Variants in CLVS2 observed in about 807,000 individuals in gnomAD.
The protein encoded by CLVS2 is clavesin 2.
A neutral mutation model predicts 29.0 loss-of-function variants in CLVS2; 19 were observed. The observed-to-expected ratio is 0.66, with a 90% CI of 0.46 to 0.96. The LOEUF is 0.96. Ranked by LOEUF, CLVS2 falls within the 40% of genes least tolerant of loss-of-function variation. The pLI is 0.00. For synonymous variants in CLVS2, 161 were observed against 151.3 expected, an observed-to-expected ratio of 1.06 and a Z score of -0.47; for missense variants, 294 against 404.1, an observed-to-expected ratio of 0.73 and a Z score of 2.34.
At chr6:123,035,559 CA>C (rs902327237) in intron 3 of CLVS2, among the ~76,000 whole-genome samples, 20 of 149,696 alleles carry the variant, frequency 1.3e-4, no homozygotes, top group East Asian at 3.9e-4. Flanking sequence ...GATTAGGTTT[CA>C]AAAAAAAATG....
At chr6:123,027,578 G>T (rs1350611129) in intron 3 of CLVS2, among the ~76,000 whole-genome samples, 2 of 152,128 alleles carry the variant, frequency 1.3e-5, no homozygotes, top group East Asian at 3.9e-4. Context: ...TCCTGTGCAT[G>T]GTGATTACAA....
rs542755493 is a variant in CLVS2 at position 123,046,674 on chromosome 6, T to A, written c.565-1948T>A. Among the ~76,000 whole-genome samples the A allele has an allele frequency of 3.3e-3, 476 of 144,884 alleles. 4 individuals are homozygous for A. The highest frequency in any genetic ancestry group is 7.0e-3 in the Middle Eastern group (2 of 284). On this transcript the variant is annotated intron_variant, in intron 3 of 5. Coordinates refer to ENST00000275162, the MANE Select transcript of CLVS2 (RefSeq NM_001010852.4). ...ACTCAGTCTCAAAAAAAAAAAAAAA[T>A]AATAATAATAATCACTTGAGCCAAG...
intron 5 of CLVS2, among the ~76,000 whole-genome samples, chr6:123,058,280 C>T (rs4358638): frequency 0.73 from 110,457 of 151,986 alleles, 40,349 homozygotes; most frequent in East Asian, 0.88. Context: ...ACACCACTGA[C>T]ATAAAGCCTG....
chr6:123,060,916 A>AAATG (rs757287461), intron 5 of CLVS2, among the ~76,000 whole-genome samples: 6 of 152,248 alleles, frequency 3.9e-5, no homozygotes, highest in Non-Finnish European at 8.8e-5. Flanking sequence ...GATGCATGAG[A>AAATG]AATGAGTATT....
rs1368547293 is a variant in CLVS2, at chr6:123,070,703, A to G, written c.*6942A>G. The G allele has an allele frequency of 6.6e-6, 1 of 152,020 alleles. No homozygotes were observed. The highest frequency in any genetic ancestry group is 1.5e-5 in the Non-Finnish European group (1 of 67,968). The allele number at this position is 152,020 out of a possible 1,614,324, so 9.4% of individuals were successfully genotyped here. On this transcript the variant is annotated 3_prime_UTR_variant, in exon 6 of 6. Transcript: ENST00000275162. ...GCATTTTTGCTGGTACTATGAAAAA[A>G]TAGTTGTTAAATACTTTAATTTCTT...
chr6:122,997,047 G>C (rs987229240), intron 1 of CLVS2, among the ~76,000 whole-genome samples, 172 bp from the exon 2 acceptor site: 3 of 152,160 alleles, frequency 2.0e-5, no homozygotes, highest in Non-Finnish European at 4.4e-5. Context: ...TATCTCAGAG[G>C]GGTGGTGGGA....
intron 5 of CLVS2, among the ~76,000 whole-genome samples, chr6:123,057,892 A>G (rs1216222915): frequency 2.0e-5 from 3 of 152,184 alleles, no homozygotes; most frequent in Non-Finnish European, 4.4e-5. Flanking sequence ...ATGGGCTCTC[A>G]AAGGATTCTG....
At chr6:123,027,567 C>T (rs1157189497) in intron 3 of CLVS2, among the ~76,000 whole-genome samples, 1 of 152,156 alleles carries the variant, frequency 6.6e-6, no homozygotes, top group Non-Finnish European at 1.5e-5. Flanking sequence ...TGTTCAGTCT[C>T]TCCTGTGCAT....
intron 5 of CLVS2, among the ~76,000 whole-genome samples, chr6:123,059,352 C>T (rs1389390425): frequency 1.3e-5 from 2 of 152,130 alleles, no homozygotes; most frequent in East Asian, 3.9e-4. Flanking sequence ...AATTTTATAT[C>T]TGCACCCCAC....
rs74470452 is a variant in CLVS2, at chr6:123,059,814, G to T, written c.896+3788G>T. Among the ~76,000 whole-genome samples, 424 of 152,128 alleles carry T rather than the reference G, an allele frequency of 2.8e-3. 18 individuals are homozygous for T. In the East Asian group the frequency reaches 0.078, roughly 28 times the overall value. On this transcript the variant is annotated intron_variant, in intron 5 of 5. Transcript: ENST00000275162. ...ATATAGCCTAGTCTATCCACCTTTT[G>T]TATCCTGATTCTTTTCTCCAATTAA...
intron 3 of CLVS2, among the ~76,000 whole-genome samples, chr6:123,014,870 A>G (rs1414630284): frequency 6.6e-6 from 1 of 152,094 alleles, no homozygotes; most frequent in Non-Finnish European, 1.5e-5. Flanking sequence ...GCATCTAGAT[A>G]TTTTTATGTT....
intron 5 of CLVS2, among the ~76,000 whole-genome samples, chr6:123,057,964 A>G (rs1772719624): frequency 6.6e-6 from 1 of 152,158 alleles, no homozygotes; most frequent in African/African-American, 2.4e-5. Context: ...CTATATGTAT[A>G]TGTCATGCAT....
intron 4 of CLVS2, among the ~76,000 whole-genome samples, chr6:123,050,289 G>T (rs998075552): frequency 6.6e-6 from 1 of 152,024 alleles, no homozygotes; most frequent in Admixed American, 6.6e-5. Flanking sequence ...AACCTGCAGG[G>T]GCTTTTAGTA....
rs1319071429 is a variant in CLVS2 at position 123,052,436 on chromosome 6, A to G, written c.676-3370A>G. On this transcript the variant is annotated intron_variant, in intron 4 of 5. Transcript: ENST00000275162. ...GTTTCATGCTAAGAGAAAGAAGTCAATGGGGAATTGTGAGGAGAAAGATAT... is the reference window on the plus strand; with the variant it reads ...GTTTCATGCTAAGAGAAAGAAGTCAGTGGGGAATTGTGAGGAGAAAGATAT... Among the ~76,000 whole-genome samples the G allele has an allele frequency of 2.6e-5, 4 of 152,200 alleles. No homozygotes were observed. In the East Asian group the frequency reaches 5.8e-4, roughly 22 times the overall value.
intron 3 of CLVS2, among the ~76,000 whole-genome samples, chr6:123,013,628 C>T (rs1211740722): frequency 6.6e-6 from 1 of 151,656 alleles, no homozygotes; most frequent in Non-Finnish European, 1.5e-5. Context: ...CATCATAAAC[C>T]TACTTATTTT....
chr6:123,069,609 A>T lies in CLVS2; in HGVS notation c.*5848A>T, dbSNP rs1772911719. ...AATCGTTATTGCTGCTCCCTCCTAA[A>T]GGCAGGCCAGGAGAAGCCACATTTC... On this transcript the variant is annotated 3_prime_UTR_variant, in exon 6 of 6. Coordinates refer to ENST00000275162, the MANE Select transcript of CLVS2 (RefSeq NM_001010852.4). 1 of 151,824 alleles carries T rather than the reference A, an allele frequency of 6.6e-6. No individual in the cohort carries two copies. The highest frequency in any genetic ancestry group is 1.5e-5 in the Non-Finnish European group (1 of 67,848). The allele number at this position is 151,824 out of a possible 1,614,324, so 9.4% of individuals were successfully genotyped here.
At chr6:123,049,433 A>G (rs1772569993) in intron 4 of CLVS2, among the ~76,000 whole-genome samples, 1 of 152,144 alleles carries the variant, frequency 6.6e-6, no homozygotes, top group Non-Finnish European at 1.5e-5. Context: ...TAATTCTTGC[A>G]ACAGCTCTGA....
chr6:123,018,315 T>G (rs924251835), intron 3 of CLVS2, among the ~76,000 whole-genome samples: 1 of 152,052 alleles, frequency 6.6e-6, no homozygotes, highest in African/African-American at 2.4e-5. Context: ...CCTCGTTTTT[T>G]TCTCTCTTCA....
intron 3 of CLVS2, among the ~76,000 whole-genome samples, chr6:123,016,152 C>A (rs149243110): frequency 0.01 from 1,552 of 150,034 alleles, 31 homozygotes; most frequent in African/African-American, 0.035. Flanking sequence ...TGTCTTCCTA[C>A]TTACAAGAGT....
Sources: allele counts gnomAD v4.1 joint callset (sites outside exome capture counted in the v4.1 genomes callset), GRCh38; gene constraint gnomAD v4.1.1; transcripts MANE v1.5; gene names NCBI Gene and HGNC (gene_info 2026-07-23, HGNC 2026-07-21).